Variants in ADAMTS12 observed in about 807,000 individuals in gnomAD.
The protein encoded by ADAMTS12 is ADAM metallopeptidase with thrombospondin type 1 motif 12.
A neutral mutation model predicts 167.8 loss-of-function variants in ADAMTS12; 118 were observed. The ratio of observed to expected loss-of-function variants is 0.70; its 90% CI spans 0.61 to 0.82. The LOEUF (loss-of-function observed/expected upper bound fraction) is 0.82. Among genes scored for constraint, ADAMTS12 ranks in the 40% least tolerant of loss-of-function variants. The pLI is 0.00. For missense variants in ADAMTS12, 1,916 were observed against 1,998.8 expected (o/e 0.96, Z 0.79); for synonymous variants, 704 against 716.9 (o/e 0.98, Z 0.29).
intron 3 of ADAMTS12, among the ~76,000 whole-genome samples, chr5:33,686,657 C>G (rs13169784): frequency 0.57 from 86,034 of 150,968 alleles, 24,832 homozygotes; most frequent in South Asian, 0.68. Flanking sequence ...GAGCCCCCAT[C>G]ATGGGATTAG....
At chr5:33,575,384 G>T (rs2111958535) in intron 19 of ADAMTS12, among the ~76,000 whole-genome samples, 1 of 152,090 alleles carries the variant, frequency 6.6e-6, no homozygotes, top group East Asian at 1.9e-4. Context: ...ATAGCTGAAA[G>T]GGACATTAGA....
intron 9 of ADAMTS12, among the ~76,000 whole-genome samples, chr5:33,648,270 A>T (rs1740752519): frequency 6.6e-6 from 1 of 152,224 alleles, no homozygotes; most frequent in Non-Finnish European, 1.5e-5. Context: ...GAGGGAGACT[A>T]GGTAGGAGAT....
intron 2 of ADAMTS12, among the ~76,000 whole-genome samples, chr5:33,797,059 A>C (rs1242813265): frequency 6.6e-6 from 1 of 152,286 alleles, no homozygotes; most frequent in African/African-American, 2.4e-5. Flanking sequence ...ACTCTGAGAA[A>C]CCTTCTTCTA....
At chr5:33,630,998 C>G (rs1739902660) in intron 12 of ADAMTS12, 85 bp from the exon 13 acceptor site, 12 of 1,514,660 alleles carry the variant, frequency 7.9e-6, no homozygotes, top group Non-Finnish European at 1.1e-5. Flanking sequence ...CTTAGGACCC[C>G]CAAGTGTCAT....
chr5:33,572,566 T>G (rs1746418883), intron 19 of ADAMTS12, among the ~76,000 whole-genome samples: 1 of 139,992 alleles, frequency 7.1e-6, no homozygotes. Context: ...TGCTAAAAAC[T>G]CTCAATAAAT....
At chr5:33,656,493 T>C (rs1316699609) in intron 7 of ADAMTS12, among the ~76,000 whole-genome samples, 1 of 152,218 alleles carries the variant, frequency 6.6e-6, no homozygotes, top group Non-Finnish European at 1.5e-5. Flanking sequence ...AAGGACATGC[T>C]TAACATATTC....
intron 7 of ADAMTS12, among the ~76,000 whole-genome samples, chr5:33,656,629 A>G (rs552512140): frequency 2.4e-4 from 37 of 152,172 alleles, no homozygotes; most frequent in Non-Finnish European, 4.1e-4. Flanking sequence ...TGAGTATACC[A>G]TTGTTGGGAT....
chr5:33,694,872 C>T lies in ADAMTS12; in HGVS notation c.635-10817G>A, dbSNP rs183984822. 9.5e-4 allele frequency among the ~76,000 whole-genome samples: 145 copies of T among 152,260 alleles called. 2 individuals carry two copies. The Middle Eastern group carries it at 0.017, about 18-fold the overall frequency. On this transcript the variant is annotated intron_variant, in intron 3 of 23. Transcript: ENST00000504830. ...CTAAGAAAAGTATTAACATTAATTT[C>T]ACCTGTTTTTTCATTTTCTTCACTT...
At chr5:33,631,268 T>C (rs949084557) in intron 12 of ADAMTS12, among the ~76,000 whole-genome samples, 1 of 152,176 alleles carries the variant, frequency 6.6e-6, no homozygotes, top group Admixed American at 6.5e-5. Context: ...AAATAAGTTA[T>C]TGCAACCAGC....
chr5:33,701,220 C>T (rs1742991004), intron 3 of ADAMTS12, among the ~76,000 whole-genome samples: 2 of 152,324 alleles, frequency 1.3e-5, no homozygotes, highest in Admixed American at 6.5e-5. Context: ...CTGTCATCTA[C>T]TAAGGGATTT....
intron 1 of ADAMTS12, among the ~76,000 whole-genome samples, chr5:33,886,482 A>C (rs967637943): frequency 6.6e-6 from 1 of 152,184 alleles, no homozygotes; most frequent in Non-Finnish European, 1.5e-5. Flanking sequence ...TGTGCCTCCT[A>C]TTTCAAAACC....
In ADAMTS12 at chr5:33,649,705, G is replaced by T; in HGVS notation, c.1191-8C>A. 6.2e-7 allele frequency: 1 copy of T among 1,613,070 alleles called. No homozygotes were observed. ...TCATGCTGGATGCCGAAGCTGGCAGGGAAGAACCAAGCACAAGAAGAGCCA... is the reference window on the plus strand; with the variant it reads ...TCATGCTGGATGCCGAAGCTGGCAGTGAAGAACCAAGCACAAGAAGAGCCA... On this transcript the variant is annotated splice_region_variant and splice_polypyrimidine_tract_variant and intron_variant, in intron 7 of 23. Transcript: ENST00000504830.
intron 3 of ADAMTS12, among the ~76,000 whole-genome samples, chr5:33,743,472 A>C (rs569809358): frequency 6.6e-6 from 1 of 152,252 alleles, no homozygotes; most frequent in African/African-American, 2.4e-5. Context: ...CTCATCTTCC[A>C]TATCATCCTC....
At chr5:33,528,464 C>T (rs1409393366) in intron 23 of ADAMTS12, among the ~76,000 whole-genome samples, 1 of 152,200 alleles carries the variant, frequency 6.6e-6, no homozygotes, top group East Asian at 1.9e-4. Flanking sequence ...TAGTTTTAAA[C>T]CCGAGTGTCG....
intron 14 of ADAMTS12, among the ~76,000 whole-genome samples, chr5:33,623,947 C>T (rs1033417720): frequency 6.6e-6 from 1 of 152,138 alleles, no homozygotes; most frequent in Non-Finnish European, 1.5e-5. Context: ...GGGATCCTCT[C>T]CCAGAGATCA....
intron 2 of ADAMTS12, among the ~76,000 whole-genome samples, chr5:33,782,779 A>G (rs1042189855): frequency 6.6e-5 from 10 of 152,130 alleles, no homozygotes; most frequent in African/African-American, 2.2e-4. Flanking sequence ...GAACCATAAA[A>G]TACATAAAGT....
chr5:33,669,439 A>G (rs1741592222), intron 5 of ADAMTS12, among the ~76,000 whole-genome samples: 1 of 152,186 alleles, frequency 6.6e-6, no homozygotes. Context: ...ACCAATAGGT[A>G]AAGTCCAAGC....
At chr5:33,645,499 G>C (rs941796241) in intron 9 of ADAMTS12, among the ~76,000 whole-genome samples, 1 of 152,116 alleles carries the variant, frequency 6.6e-6, no homozygotes, top group African/African-American at 2.4e-5. Context: ...CAACGTGGAA[G>C]TGAAAACCCA....
chr5:33,532,660 A>G (rs1744176669), intron 23 of ADAMTS12, among the ~76,000 whole-genome samples: 1 of 152,050 alleles, frequency 6.6e-6, no homozygotes, highest in Non-Finnish European at 1.5e-5. Flanking sequence ...TTTTCCATGT[A>G]GATATGTGGA....
Sources: gnomAD v4.1 joint callset for allele counts (sites outside exome capture counted in the v4.1 genomes callset) on GRCh38, gnomAD v4.1.1 for gene constraint, MANE v1.5 for transcripts, NCBI Gene and HGNC (gene_info 2026-07-23, HGNC 2026-07-21) for gene names.